GLP2R: variants seen among roughly 807,000 people sequenced by gnomAD.
GLP2R encodes the protein glucagon like peptide 2 receptor.
A neutral mutation model predicts 68.2 loss-of-function variants in GLP2R; 59 were observed. The observed-to-expected ratio is 0.87, with a 90% CI of 0.70 to 1.07. The LOEUF (loss-of-function observed/expected upper bound fraction) is 1.07. GLP2R is among the 50% of genes least tolerant of loss of function. GLP2R has a pLI of 0.00. For missense variants in GLP2R, 548 were observed against 677.4 expected, an observed-to-expected ratio of 0.81 and a Z score of 2.12; for synonymous variants, 270 against 265.4, an observed-to-expected ratio of 1.02 and a Z score of -0.17.
At chr17:9,852,171 T>C (rs1188045662) in intron 4 of GLP2R, among the ~76,000 whole-genome samples, 2 of 151,880 alleles carry the variant, frequency 1.3e-5, no homozygotes, top group African/African-American at 2.4e-5. Flanking sequence ...ATCATCTAGG[T>C]TTTAAGCCCC....
intron 9 of GLP2R, among the ~76,000 whole-genome samples, chr17:9,870,079 G>A (rs1191212239): frequency 1.3e-5 from 2 of 152,166 alleles, no homozygotes; most frequent in Non-Finnish European, 2.9e-5. Flanking sequence ...GACACCAATA[G>A]GGATGGAGTT....
chr17:9,860,931 T>C (rs978899221), intron 7 of GLP2R, among the ~76,000 whole-genome samples: 2 of 152,172 alleles, frequency 1.3e-5, no homozygotes, highest in African/African-American at 4.8e-5. Context: ...TCCAGTCGCT[T>C]TCCCCCTCTG....
intron 5 of GLP2R, among the ~76,000 whole-genome samples, chr17:9,856,250 C>A (rs2066932653): frequency 6.6e-6 from 1 of 152,128 alleles, no homozygotes; most frequent in Non-Finnish European, 1.5e-5. Context: ...AATAACTGCC[C>A]AGCCCTGTAG....
chr17:9,880,382 G>A lies in GLP2R; in HGVS notation c.1150G>A (p.Ala384Thr). ...TTATTTGGTTGTCATTTACAGATTG[G>A]CAAAATCAACACTGGTCCTCATTCC... ...MCFRDYKYRL[A>T]KSTLVLIPLL... Residue 384 changes from alanine to threonine, a missense_variant, in exon 11 of 13, where the codon GCA (alanine) becomes ACA (threonine). Ala to Thr is a moderately conservative substitution (Grantham distance 58). Transcript: ENST00000262441. 2 of 1,586,584 alleles carry A rather than the reference G, an allele frequency of 1.3e-6. No individual in the cohort carries two copies. The highest frequency in any genetic ancestry group is 1.2e-5 in the South Asian group (1 of 86,578).
chr17:9,857,218 C>T (rs565202484), intron 5 of GLP2R, among the ~76,000 whole-genome samples: 22 of 152,260 alleles, frequency 1.4e-4, no homozygotes, highest in African/African-American at 4.8e-4. Context: ...CGCGCCTGGC[C>T]GGTGATAACT....
At chr17:9,869,674 G>C (rs371040764) in intron 9 of GLP2R, among the ~76,000 whole-genome samples, 1 of 152,172 alleles carries the variant, frequency 6.6e-6, no homozygotes, top group Admixed American at 6.5e-5. Context: ...CTCCCAACAG[G>C]CTGCTTGAGT....
chr17:9,842,380 C>T (rs944637333), intron 3 of GLP2R, 115 bp from the exon 4 acceptor site: 7 of 1,315,132 alleles, frequency 5.3e-6, no homozygotes, highest in Non-Finnish European at 6.3e-6. Flanking sequence ...TTAATGAGCC[C>T]CCAAAAGGGG....
chr17:9,888,002 T>G (rs1353244163), intron 12 of GLP2R, 29 bp downstream of exon 12: 1 of 1,565,238 alleles, frequency 6.4e-7, no homozygotes, highest in Non-Finnish European at 8.8e-7. Flanking sequence ...CATCCTGGTT[T>G]CATGTGAGGT....
chr17:9,878,845 T>A (rs1277956854), intron 10 of GLP2R, among the ~76,000 whole-genome samples: 1 of 152,142 alleles, frequency 6.6e-6, no homozygotes, highest in Non-Finnish European at 1.5e-5. Context: ...GAACTGCGAA[T>A]GCCACCCTGT....
chr17:9,835,983 G>T (rs1260919942), intron 2 of GLP2R, among the ~76,000 whole-genome samples: 1 of 144,232 alleles, frequency 6.9e-6, no homozygotes, highest in Non-Finnish European at 1.5e-5. Context: ...AGGTTGCAGT[G>T]AGCTGAGATC....
intron 9 of GLP2R, among the ~76,000 whole-genome samples, chr17:9,869,871 A>G (rs1031081619): frequency 1.3e-5 from 2 of 152,186 alleles, no homozygotes; most frequent in African/African-American, 4.8e-5. Flanking sequence ...CTCACCTCAC[A>G]AGGGGAATAA....
chr17:9,842,527 G>C lies in GLP2R; in HGVS notation c.415G>C (p.Ala139Pro). The change falls in exon 4 of 13, where the codon GCT (alanine) becomes CCT (proline). Residue 139 changes from alanine (A) to proline (P), a missense_variant. Physicochemically the swap from Ala to Pro is conservative, Grantham distance 27 (BLOSUM62 -1). Coordinates refer to ENST00000262441, the MANE Select transcript of GLP2R (RefSeq NM_004246.3). ...SSGRAYRHCL[A>P]QGTWQTIENA... ...AGGAAGGGCCTACAGACACTGCTTG[G>C]CTCAGGGGACTTGGCAGACGATAGA... is the stretch of plus-strand genomic sequence containing the variant. The C allele has an allele frequency of 6.2e-7, 1 of 1,614,110 alleles. No individual in the cohort carries two copies. The highest frequency in any genetic ancestry group is 1.3e-5 in the African/African-American group (1 of 75,018).
intron 11 of GLP2R, among the ~76,000 whole-genome samples, chr17:9,881,210 G>C (rs2067191180): frequency 6.6e-6 from 1 of 152,052 alleles, no homozygotes; most frequent in East Asian, 1.9e-4. Context: ...GCCTAAGTTG[G>C]ATGGCTCAAA....
chr17:9,834,041 G>T (rs750237770), intron 2 of GLP2R, 147 bp downstream of exon 2: 36 of 700,158 alleles, frequency 5.1e-5, no homozygotes, highest in Non-Finnish European at 8.9e-5. Context: ...GCTTGTTTCC[G>T]CTCTGTAATG....
At chr17:9,847,894 G>A (rs9909716) in intron 4 of GLP2R, among the ~76,000 whole-genome samples, 31,035 of 152,062 alleles carry the variant, frequency 0.2, 3,729 homozygotes, top group Non-Finnish European at 0.29. Flanking sequence ...TCATAAGTAT[G>A]ATCCCAGTGC....
At chr17:9,859,259 T>C (rs1365015820) in intron 6 of GLP2R, among the ~76,000 whole-genome samples, 1 of 152,236 alleles carries the variant, frequency 6.6e-6, no homozygotes, top group East Asian at 1.9e-4. Flanking sequence ...TCCAATCATA[T>C]GAACATTTTT....
chr17:9,887,252 G>A (rs755976762), intron 11 of GLP2R, among the ~76,000 whole-genome samples: 1 of 152,004 alleles, frequency 6.6e-6, no homozygotes, highest in Non-Finnish European at 1.5e-5. Context: ...AAAGGACCAG[G>A]CACAGTGGCT....
chr17:9,829,478 T>G (rs1460819938), intron 1 of GLP2R, among the ~76,000 whole-genome samples: 1 of 152,206 alleles, frequency 6.6e-6, no homozygotes, highest in Non-Finnish European at 1.5e-5. Flanking sequence ...AATCACAGCA[T>G]CATTTACGTC....
intron 11 of GLP2R, among the ~76,000 whole-genome samples, chr17:9,883,197 G>A (rs1466600159): frequency 1.3e-5 from 2 of 152,130 alleles, no homozygotes; most frequent in East Asian, 3.8e-4. Context: ...AAATTCTGGA[G>A]TTGAACACTA....
Sources: gnomAD v4.1 joint callset for allele counts (sites outside exome capture counted in the v4.1 genomes callset) on GRCh38, gnomAD v4.1.1 for gene constraint, MANE v1.5 for transcripts, NCBI Gene and HGNC (gene_info 2026-07-23, HGNC 2026-07-21) for gene names.